The following MICAL3 variants were observed in gnomAD, a reference collection of about 807,000 sequenced individuals.
MICAL3 encodes the protein microtubule associated monooxygenase, calponin and LIM domain containing 3.
MICAL3 carries 62 observed loss-of-function variants against 207.4 expected under a neutral mutation model. The observed-to-expected ratio is 0.30, with a 90% CI of 0.24 to 0.37. The LOEUF (loss-of-function observed/expected upper bound fraction) is 0.37. MICAL3 is among the 10% of genes least tolerant of loss of function. MICAL3 has a pLI of 1.00. For synonymous variants in MICAL3, 1,077 were observed against 1,069.3 expected (o/e 1.01, Z -0.14); for missense variants, 2,368 against 2,635.6 (o/e 0.90, Z 2.22).
chr22:17,921,868 C>T (rs767597355), intron 1 of MICAL3, among the ~76,000 whole-genome samples: 1 of 152,074 alleles, frequency 6.6e-6, no homozygotes, highest in Non-Finnish European at 1.5e-5. Context: ...CAATGTGACC[C>T]GTTTCAGCCT....
chr22:17,989,018 C>T (rs1478006502), intron 1 of MICAL3, among the ~76,000 whole-genome samples: 5 of 152,114 alleles, frequency 3.3e-5, no homozygotes, highest in Non-Finnish European at 7.4e-5. Context: ...GACTCCTCCC[C>T]GGCTGATCTT....
At chr22:17,811,112 G>C (rs899309887) in intron 27 of MICAL3, 1 of 305,682 alleles carries the variant, frequency 3.3e-6, no homozygotes, top group Admixed American at 4.5e-5. Flanking sequence ...GGCTGAGTGG[G>C]GACCGACTGT....
chr22:17,934,574 T>TC (rs1933425650), intron 1 of MICAL3, among the ~76,000 whole-genome samples: 1 of 152,106 alleles, frequency 6.6e-6, no homozygotes, highest in Admixed American at 6.5e-5. Context: ...CTCTCACCAC[T>TC]CCTATTCAAC....
chr22:17,991,269 C>T (rs1417729380), intron 1 of MICAL3, among the ~76,000 whole-genome samples: 1 of 151,874 alleles, frequency 6.6e-6, no homozygotes, highest in Non-Finnish European at 1.5e-5. Flanking sequence ...TGTAGGGGGA[C>T]AAAGAGGGGC....
intron 1 of MICAL3, among the ~76,000 whole-genome samples, chr22:17,958,609 C>T (rs1423923498): frequency 6.6e-6 from 1 of 152,186 alleles, no homozygotes; most frequent in Non-Finnish European, 1.5e-5. Flanking sequence ...CACCAACACA[C>T]AGTAGCCAGC....
At chr22:17,919,753 C>T (rs891135561) in intron 1 of MICAL3, among the ~76,000 whole-genome samples, 2 of 152,218 alleles carry the variant, frequency 1.3e-5, no homozygotes, top group Non-Finnish European at 2.9e-5. Flanking sequence ...AGGCTCTGCC[C>T]AGCAGGCCCC....
At chr22:17,822,813 T>C (rs1921792201) in intron 23 of MICAL3, 134 bp downstream of exon 23, 1 of 593,922 alleles carries the variant, frequency 1.7e-6, no homozygotes, top group Admixed American at 3.0e-5. Flanking sequence ...ATGAGATGCA[T>C]TCCAGCCATG....
chr22:17,848,493 T>C (rs1257654374), intron 19 of MICAL3, among the ~76,000 whole-genome samples: 2 of 152,180 alleles, frequency 1.3e-5, no homozygotes, highest in Admixed American at 1.3e-4. Flanking sequence ...CCCACTGCCT[T>C]GATCTGGGCT....
rs1228746076 is a variant in MICAL3 at position 17,788,740 on chromosome 22, G to A, written c.*1992C>T. On this transcript the variant is annotated 3_prime_UTR_variant, in exon 32 of 32. Coordinates refer to ENST00000441493, the MANE Select transcript of MICAL3 (RefSeq NM_015241.3). ...CGTTATCTCCCGGATGTGCATGGGA[G>A]AGAGATGGCAGCTTCTGGACAGACA... 2 of 152,348 alleles carry A rather than the reference G, an allele frequency of 1.3e-5. No individual in the cohort carries two copies. Among genetic ancestry groups the A allele is most frequent in the African/African-American group, 4.8e-5 (2 of 41,478 alleles). 9.4% of individuals were successfully genotyped at this position (152,348 alleles called of 1,614,324 possible). A position where few individuals can be genotyped will look rare whatever the true frequency, so the allele number is the denominator to read the frequency against.
intron 16 of MICAL3, chr22:17,876,873 AGGGAGGTTAGGGAG>A (rs1928537480): frequency 2.0e-4 from 29 of 141,814 alleles, no homozygotes; most frequent in South Asian, 4.3e-4. Context: ...TAGGGAGGTT[AGGGAGGTTAGGGAG>A]GTTATGGAGG....
intron 20 of MICAL3, among the ~76,000 whole-genome samples, chr22:17,835,180 C>T (rs539473149): frequency 2.6e-5 from 4 of 151,986 alleles, no homozygotes; most frequent in South Asian, 2.1e-4. Flanking sequence ...TCAAGGACCA[C>T]GGGAGCACAG....
In MICAL3 at chr22:17,790,992, A is replaced by G; in HGVS notation, c.5824+6T>C. ...CTGGCCTCCATGGGTGCCTTACCCC[A>G]CTCACCTTCCACTGCCATGCGTTCC... On this transcript the variant is annotated splice_donor_region_variant and intron_variant, in intron 31 of 31. Coordinates refer to ENST00000441493, the MANE Select transcript of MICAL3 (RefSeq NM_015241.3). 1 of 1,612,038 alleles carries G rather than the reference A, an allele frequency of 6.2e-7. No individual in the cohort carries two copies. Among genetic ancestry groups the G allele is most frequent in the South Asian group, 1.1e-5 (1 of 91,026 alleles).
chr22:17,987,633 G>C (rs560212974), intron 1 of MICAL3, among the ~76,000 whole-genome samples: 2 of 152,354 alleles, frequency 1.3e-5, no homozygotes, highest in South Asian at 4.1e-4. Context: ...GGTACTCCGA[G>C]CAAGAGCAAT....
At chr22:18,010,291 C>A (rs946186348) in intron 1 of MICAL3, among the ~76,000 whole-genome samples, 1 of 151,524 alleles carries the variant, frequency 6.6e-6, no homozygotes, top group South Asian at 2.1e-4. Context: ...CATTTGAGAT[C>A]ATGTGAACTT....
chr22:17,900,757 C>T lies in MICAL3; in HGVS notation c.847+85G>A. Reference sequence around the variant, plus strand: ...ACAGTGCAGGAGGGACACCGACGGCCACTCACCCCACCAATCCCCCAAGAA... The same window carrying T: ...ACAGTGCAGGAGGGACACCGACGGCTACTCACCCCACCAATCCCCCAAGAA... On this transcript the variant is annotated intron_variant, in intron 6 of 31. Transcript: ENST00000441493. The surrounding 1 kb of genome is among the most constrained non-coding windows in gnomAD (Gnocchi z 4.0). The T allele has an allele frequency of 8.0e-7, 1 of 1,242,962 alleles. No individual in the cohort carries two copies. Among genetic ancestry groups the T allele is most frequent in the Non-Finnish European group, 1.2e-6 (1 of 860,898 alleles). 77.0% of individuals were successfully genotyped at this position (1,242,962 alleles called of 1,614,324 possible).
In MICAL3 at chr22:17,808,635, G is replaced by A. The variant is rs77525162; in HGVS notation, c.5650+209C>T. ...CTCTATGGGAAATGGCAGCCCAGAG[G>A]GGCTGTGGAGCAGGATGGGCCTGGG... is the stretch of plus-strand genomic sequence containing the variant. On this transcript the variant is annotated intron_variant, in intron 29 of 31. Transcript: ENST00000441493. Among the ~76,000 whole-genome samples the A allele has an allele frequency of 1.5e-4, 23 of 152,296 alleles. No homozygotes were observed. The East Asian group carries it at 3.5e-3, about 23-fold the overall frequency.
At chr22:17,959,013 T>G (rs1311001445) in intron 1 of MICAL3, among the ~76,000 whole-genome samples, 3 of 79,670 alleles carry the variant, frequency 3.8e-5, no homozygotes, top group Non-Finnish European at 8.2e-5. Context: ...GCCTGGGGTT[T>G]TTTTTTTTTT....
At chr22:17,957,857 C>T (rs1934709101) in intron 1 of MICAL3, among the ~76,000 whole-genome samples, 1 of 152,074 alleles carries the variant, frequency 6.6e-6, no homozygotes, top group South Asian at 2.1e-4. Flanking sequence ...GGAGAGATCC[C>T]ACCACGGCAG....
At chr22:17,922,361 G>C (rs193007584) in intron 1 of MICAL3, among the ~76,000 whole-genome samples, 4 of 152,286 alleles carry the variant, frequency 2.6e-5, no homozygotes, top group Admixed American at 2.6e-4. Context: ...TACACAAAAG[G>C]AGAAAGGGCA....
Sources: gnomAD v4.1 joint callset for allele counts (sites outside exome capture counted in the v4.1 genomes callset) on GRCh38, gnomAD v4.1.1 for gene constraint, Gnocchi (gnomAD v3.1) non-coding constraint, MANE v1.5 for transcripts, NCBI Gene and HGNC (gene_info 2026-07-23, HGNC 2026-07-21) for gene names.